The following MYO6 variants were observed in gnomAD, a reference collection of about 807,000 sequenced individuals.
MYO6 encodes the protein myosin VI, also known as unconventional myosin-VI.
A neutral mutation model predicts 178.7 loss-of-function variants in MYO6; 74 were observed. The observed-to-expected ratio is 0.41, with a 90% CI of 0.34 to 0.50. The LOEUF is 0.50. Among genes scored for constraint, MYO6 ranks in the 20% least tolerant of loss-of-function variants. The probability of loss-of-function intolerance (pLI) is 0.09; values close to 1 mark genes in which losing one functional copy is unlikely to be tolerated. For synonymous variants in MYO6, 477 were observed against 504.6 expected, an observed-to-expected ratio of 0.95 and a Z score of 0.73; for missense variants, 1,330 against 1,547.4, an observed-to-expected ratio of 0.86 and a Z score of 2.36.
chr6:75,779,514 T>C (rs539027148), intron 1 of MYO6, among the ~76,000 whole-genome samples: 1 of 151,738 alleles, frequency 6.6e-6, no homozygotes, highest in African/African-American at 2.4e-5. Context: ...AAAAAAAAAA[T>C]TCTTAATAAA....
chr6:75,861,264 A>G (rs146132179), intron 15 of MYO6, among the ~76,000 whole-genome samples, 169 bp downstream of exon 15: 202 of 152,288 alleles, frequency 1.3e-3, no homozygotes, highest in African/African-American at 4.7e-3. Context: ...TTCCACCAAG[A>G]CTTCAAAGGT....
At chr6:75,903,648 T>C (rs1780011375) in intron 30 of MYO6, among the ~76,000 whole-genome samples, 1 of 151,876 alleles carries the variant, frequency 6.6e-6, no homozygotes, top group Non-Finnish European at 1.5e-5. Context: ...GTTTCCTGAA[T>C]ACAGCACACT....
At chr6:75,850,923 A>G (rs1775205240) in intron 11 of MYO6, among the ~76,000 whole-genome samples, 1 of 152,122 alleles carries the variant, frequency 6.6e-6, no homozygotes, top group Non-Finnish European at 1.5e-5. Context: ...GCAAAATTAG[A>G]TATGTTCTTA....
Position 75,880,089 on chromosome 6 carries a change from G to T in MYO6, c.2255G>T (p.Gly752Val). Residue 752 changes from glycine (G) to valine (V), a missense_variant, in exon 22 of 35, where the codon GGG becomes GTG. Coordinates refer to ENST00000369977, the MANE Select transcript of MYO6 (RefSeq NM_004999.4). ...LGLNENDYKF[G>V]LTKVFFRPGK... ...TTAAATGAAAATGACTACAAGTTTG[G>T]GTTAACCAAAGTATTTTTTAGACCT... 6.2e-7 allele frequency: 1 copy of T among 1,611,400 alleles called. No homozygotes were observed.
intron 22 of MYO6, among the ~76,000 whole-genome samples, chr6:75,880,719 A>G (rs1290616021): frequency 6.8e-6 from 1 of 147,388 alleles, no homozygotes; most frequent in African/African-American, 2.7e-5. Context: ...AAAGATTTAA[A>G]TATCTTTTCT....
chr6:75,760,846 G>A (rs960503806), intron 1 of MYO6, among the ~76,000 whole-genome samples: 14 of 151,926 alleles, frequency 9.2e-5, no homozygotes, highest in African/African-American at 3.4e-4. Context: ...TCAGTATCCC[G>A]CAGGAGATAT....
intron 1 of MYO6, among the ~76,000 whole-genome samples, chr6:75,796,282 A>G (rs527785442): frequency 2.6e-4 from 39 of 152,308 alleles, no homozygotes; most frequent in Middle Eastern, 3.4e-3. Context: ...ACACCTTGGC[A>G]TAGATCTGCC....
At chr6:75,807,978 G>A (rs989476641) in intron 1 of MYO6, among the ~76,000 whole-genome samples, 6 of 152,072 alleles carry the variant, frequency 3.9e-5, no homozygotes, top group Non-Finnish European at 7.4e-5. Context: ...TGCCTCTGAC[G>A]CTCTTCCATT....
At chr6:75,779,633 A>G (rs1422022305) in intron 1 of MYO6, among the ~76,000 whole-genome samples, 1 of 152,200 alleles carries the variant, frequency 6.6e-6, no homozygotes, top group African/African-American at 2.4e-5. Flanking sequence ...CACTTTAGGA[A>G]CTATATATTG....
intron 1 of MYO6, among the ~76,000 whole-genome samples, chr6:75,751,687 G>A (rs991990558): frequency 1.3e-5 from 2 of 152,164 alleles, no homozygotes; most frequent in African/African-American, 4.8e-5. Flanking sequence ...GACTTTGCCT[G>A]GAGTCTGTGG....
At chr6:75,909,181 C>T (rs150891908) in intron 32 of MYO6, among the ~76,000 whole-genome samples, 223 of 152,314 alleles carry the variant, frequency 1.5e-3, no homozygotes, top group African/African-American at 5.2e-3. Context: ...TGAGCTACTG[C>T]TCCCACCCCT....
At chr6:75,756,348 T>G (rs1274196200) in intron 1 of MYO6, among the ~76,000 whole-genome samples, 1 of 152,228 alleles carries the variant, frequency 6.6e-6, no homozygotes, top group African/African-American at 2.4e-5. Context: ...TTTCTTTTTT[T>G]TTGAGACGGA....
At chr6:75,824,706 T>C (rs1277188253) in intron 3 of MYO6, among the ~76,000 whole-genome samples, 1 of 152,084 alleles carries the variant, frequency 6.6e-6, no homozygotes, top group African/African-American at 2.4e-5. Flanking sequence ...ACAGAAGTAG[T>C]GCCTTAACAG....
chr6:75,769,240 A>G (rs1276300081), intron 1 of MYO6, among the ~76,000 whole-genome samples: 1 of 152,208 alleles, frequency 6.6e-6, no homozygotes, highest in Non-Finnish European at 1.5e-5. Flanking sequence ...TTCTTTTCAC[A>G]TCGTAAAATA....
Position 75,870,677 on chromosome 6 carries a change from C to T in MYO6, c.1975C>T (p.Arg659Ter), listed in dbSNP as rs1777073184. 5.6e-6 allele frequency: 9 copies of T among 1,611,816 alleles called. No individual in the cohort carries two copies. Among genetic ancestry groups the T allele is most frequent in the Non-Finnish European group, 7.6e-6 (9 of 1,178,960 alleles). ...TQLNLLLDKL[R>*]STGASFIRCI... is the part of the protein sequence containing the mutation. ...GTTAAATTTGCTTCTGGATAAACTT[C>T]GAAGTACTGTGAGTATGCTTAAAAA... The change falls in exon 19 of 35, where the codon CGA becomes TGA. Residue 659 changes from arginine (R) to a stop codon, truncating the protein, a stop_gained. Transcript: ENST00000369977. LOFTEE classifies it high-confidence loss of function.
chr6:75,836,613 C>T (rs1773671917), intron 7 of MYO6, among the ~76,000 whole-genome samples: 2 of 148,598 alleles, frequency 1.3e-5, no homozygotes, highest in South Asian at 2.1e-4. Context: ...GGTGGAATCT[C>T]ACTCTGTCAC....
At chr6:75,834,582 C>A (rs1773456525) in intron 6 of MYO6, among the ~76,000 whole-genome samples, 1 of 152,118 alleles carries the variant, frequency 6.6e-6, no homozygotes, top group Admixed American at 6.6e-5. Flanking sequence ...GGAATCATAA[C>A]ACTCATTGTA....
intron 1 of MYO6, among the ~76,000 whole-genome samples, chr6:75,766,708 G>A (rs938834091): frequency 1.3e-5 from 2 of 152,176 alleles, no homozygotes; most frequent in African/African-American, 2.4e-5. Flanking sequence ...TTTTGGTAAA[G>A]TTCCAAATAA....
At chr6:75,912,131 G>T (rs1214214814) in intron 33 of MYO6, among the ~76,000 whole-genome samples, 1 of 152,010 alleles carries the variant, frequency 6.6e-6, no homozygotes, top group Non-Finnish European at 1.5e-5. Context: ...TAATGTGATA[G>T]TGTATAAAGG....
Sources: gnomAD v4.1 joint callset for allele counts (sites outside exome capture counted in the v4.1 genomes callset) on GRCh38, gnomAD v4.1.1 for gene constraint, MANE v1.5 for transcripts, NCBI Gene and HGNC (gene_info 2026-07-23, HGNC 2026-07-21) for gene names.